The following PCDH9 variants were observed in gnomAD, a reference collection of about 807,000 sequenced individuals.
PCDH9 encodes protocadherin-9.
A neutral mutation model predicts 70.6 loss-of-function variants in PCDH9; 24 were observed. That is an observed-to-expected ratio of 0.34 (90% CI 0.25 to 0.48). The LOEUF (loss-of-function observed/expected upper bound fraction) is 0.48, where lower values mean the gene tolerates loss of function less well. PCDH9 is among the 20% of genes least tolerant of loss of function. The pLI is 0.99. For missense variants in PCDH9, 1,281 were observed against 1,503.6 expected (o/e 0.85, Z 2.45); for synonymous variants, 562 against 558.5 (o/e 1.01, Z -0.09).
intron 3 of PCDH9, among the ~76,000 whole-genome samples, chr13:66,855,109 G>C (rs1201712821): frequency 1.3e-5 from 2 of 152,010 alleles, no homozygotes; most frequent in Admixed American, 1.3e-4. Context: ...CATAAGTAAC[G>C]AAGTATGAGG....
intron 3 of PCDH9, among the ~76,000 whole-genome samples, chr13:66,681,743 T>G (rs1439353269): frequency 6.6e-6 from 1 of 152,076 alleles, no homozygotes; most frequent in African/African-American, 2.4e-5. Context: ...CATTGTACTT[T>G]TCCCTTCCAA....
chr13:66,524,398 A>G (rs1200880699), intron 4 of PCDH9, among the ~76,000 whole-genome samples: 3 of 151,944 alleles, frequency 2.0e-5, no homozygotes, highest in Non-Finnish European at 4.4e-5. Flanking sequence ...GCCATGGAAG[A>G]CTAAAATTTT....
intron 4 of PCDH9, among the ~76,000 whole-genome samples, chr13:66,486,301 G>A (rs963803095): frequency 1.3e-5 from 2 of 151,910 alleles, no homozygotes; most frequent in Admixed American, 6.6e-5. Flanking sequence ...CAATTAGCTA[G>A]GCATGGTAGC....
chr13:66,844,568 G>A (rs1327688484), intron 3 of PCDH9, among the ~76,000 whole-genome samples: 1 of 150,010 alleles, frequency 6.7e-6, no homozygotes, highest in Non-Finnish European at 1.5e-5. Context: ...CAGGGTGACA[G>A]GGCGAGACTC....
intron 2 of PCDH9, among the ~76,000 whole-genome samples, chr13:66,905,663 T>G (rs573087645): frequency 1.3e-5 from 2 of 151,934 alleles, no homozygotes; most frequent in African/African-American, 4.8e-5. Flanking sequence ...CATCATATTG[T>G]TTTTTTCCCC....
intron 2 of PCDH9, among the ~76,000 whole-genome samples, chr13:67,014,243 G>T (rs1237833884): frequency 6.6e-6 from 1 of 152,080 alleles, no homozygotes; most frequent in Non-Finnish European, 1.5e-5. Context: ...CAGTAAGTAA[G>T]ATTGTCTTAT....
At chr13:67,089,838 T>C (rs1390049583) in intron 2 of PCDH9, among the ~76,000 whole-genome samples, 1 of 152,024 alleles carries the variant, frequency 6.6e-6, no homozygotes, top group Non-Finnish European at 1.5e-5. Flanking sequence ...AGAGATTCTA[T>C]ATGTGGTGTC....
intron 4 of PCDH9, among the ~76,000 whole-genome samples, chr13:66,314,112 C>T (rs1409356208): frequency 6.6e-6 from 1 of 152,166 alleles, no homozygotes; most frequent in Non-Finnish European, 1.5e-5. Context: ...CAATTCAGTA[C>T]ATCTGATTGG....
At chr13:66,793,519 T>C (rs1349525034) in intron 3 of PCDH9, among the ~76,000 whole-genome samples, 2 of 152,156 alleles carry the variant, frequency 1.3e-5, no homozygotes, top group Non-Finnish European at 2.9e-5. Flanking sequence ...TTCAATGAAA[T>C]GTATCTAAAC....
At chr13:67,029,401 C>T (rs956893611) in intron 2 of PCDH9, among the ~76,000 whole-genome samples, 5 of 152,132 alleles carry the variant, frequency 3.3e-5, no homozygotes, top group Non-Finnish European at 5.9e-5. Flanking sequence ...ATTCTATATA[C>T]ACTCTTATGC....
chr13:66,678,385 C>A (rs993643918), intron 3 of PCDH9, among the ~76,000 whole-genome samples: 5 of 151,980 alleles, frequency 3.3e-5, no homozygotes, highest in Non-Finnish European at 7.4e-5. Flanking sequence ...GATGTTAGAT[C>A]TTATCTTCAA....
At position 66,313,038 on chromosome 13, in the gene PCDH9, T is replaced by G. The variant is rs150098311; in HGVS notation, c.3341-8010A>C. 2.4e-4 allele frequency among the ~76,000 whole-genome samples: 37 copies of G among 152,326 alleles called. No individual in the cohort carries two copies. In the East Asian group the frequency reaches 6.4e-3, roughly 26 times the overall value. On this transcript the variant is annotated intron_variant, in intron 4 of 4. Transcript: ENST00000377865. ...AGCATTTCCTTGTACATCTTCAGCC[T>G]TCTTCTGCAGGGCATGAAAATAAGC...
intron 2 of PCDH9, among the ~76,000 whole-genome samples, chr13:67,173,906 G>C (rs1268764356): frequency 2.0e-5 from 3 of 152,150 alleles, no homozygotes; most frequent in Non-Finnish European, 1.5e-5. Context: ...AAAATCAAAA[G>C]CTAACTCTTT....
chr13:67,202,471 C>G (rs952718086), intron 2 of PCDH9: 5 of 151,978 alleles, frequency 3.3e-5, no homozygotes, highest in African/African-American at 9.7e-5. Context: ...ATAAAGACAA[C>G]TTAAATTCTC....
At chr13:67,018,094 G>A (rs1370481078) in intron 2 of PCDH9, among the ~76,000 whole-genome samples, 2 of 152,074 alleles carry the variant, frequency 1.3e-5, no homozygotes, top group Non-Finnish European at 2.9e-5. Flanking sequence ...TTTTTCCCAT[G>A]TTACCATTCT....
chr13:67,223,743 T>C (rs2089785280), intron 2 of PCDH9: 1 of 152,114 alleles, frequency 6.6e-6, no homozygotes, highest in Non-Finnish European at 1.5e-5. Flanking sequence ...TTGACTTATA[T>C]GTAATAATCT....
chr13:67,148,815 A>C (rs935295804), intron 2 of PCDH9, among the ~76,000 whole-genome samples: 1 of 152,218 alleles, frequency 6.6e-6, no homozygotes, highest in Non-Finnish European at 1.5e-5. Flanking sequence ...AAATATAGCC[A>C]CTGAAAACTG....
intron 3 of PCDH9, among the ~76,000 whole-genome samples, chr13:66,767,701 T>C (rs913559768): frequency 3.3e-5 from 5 of 152,126 alleles, no homozygotes; most frequent in Non-Finnish European, 5.9e-5. Context: ...AATAATTCTA[T>C]TGAACTCTGC....
At chr13:66,624,148 T>C (rs1266838243) in intron 4 of PCDH9, among the ~76,000 whole-genome samples, 2 of 152,318 alleles carry the variant, frequency 1.3e-5, no homozygotes, top group East Asian at 1.9e-4. Context: ...TAATAACTGT[T>C]CCTGATCTGA....
Sources: allele counts gnomAD v4.1 joint callset (sites outside exome capture counted in the v4.1 genomes callset), GRCh38; gene constraint gnomAD v4.1.1; transcripts MANE v1.5; gene names NCBI Gene and HGNC (gene_info 2026-07-23, HGNC 2026-07-21).